MEOX1: variants seen among roughly 807,000 people sequenced by gnomAD.
The protein encoded by MEOX1 is mesenchyme homeobox 1.
A neutral mutation model predicts 23.2 loss-of-function variants in MEOX1; 17 were observed. The observed-to-expected ratio is 0.73, with a 90% CI of 0.50 to 1.10. MEOX1 has a LOEUF of 1.10. Among genes scored for constraint, MEOX1 ranks in the 50% least tolerant of loss-of-function variants. MEOX1 has a pLI of 0.00. For missense variants in MEOX1, 333 were observed against 332.2 expected, an observed-to-expected ratio of 1.00 and a Z score of -0.02; for synonymous variants, 134 against 135.1, an observed-to-expected ratio of 0.99 and a Z score of 0.06.
chr17:43,646,801 C>T (rs913726274), intron 1 of MEOX1, among the ~76,000 whole-genome samples: 4 of 152,140 alleles, frequency 2.6e-5, no homozygotes, highest in African/African-American at 9.7e-5. Flanking sequence ...CATGGAGAAA[C>T]ACCGTCTCTA....
intron 1 of MEOX1, among the ~76,000 whole-genome samples, chr17:43,659,984 C>T (rs1448766483): frequency 2.6e-5 from 4 of 152,252 alleles, no homozygotes; most frequent in Non-Finnish European, 5.9e-5. Flanking sequence ...GCATTCCCAC[C>T]TGTTGGTTGG....
chr17:43,655,566 A>G (rs1224412097), intron 1 of MEOX1, among the ~76,000 whole-genome samples: 2 of 149,946 alleles, frequency 1.3e-5, no homozygotes, highest in Non-Finnish European at 3.0e-5. Flanking sequence ...GCTCACACCT[A>G]TAATTCCAGC....
chr17:43,644,216 A>T (rs1972760067), intron 1 of MEOX1, among the ~76,000 whole-genome samples: 1 of 152,032 alleles, frequency 6.6e-6, no homozygotes. Flanking sequence ...AGACCTCACC[A>T]CTCAAAGGAG....
chr17:43,642,032 C>T lies in MEOX1; in HGVS notation c.643G>A (p.Val215Ile), dbSNP rs766089295. The T allele has an allele frequency of 2.5e-5, 41 of 1,612,414 alleles. No homozygotes were observed. Among genetic ancestry groups the T allele is most frequent in the Admixed American group, 1.0e-4 (6 of 59,870 alleles). The change falls in exon 3 of 3, where the codon GTC becomes ATC. Residue 215 changes from valine to isoleucine, a missense_variant and splice_region_variant. Val to Ile is a conservative substitution (Grantham distance 29). Transcript: ENST00000318579. The stretch of plus-strand genomic sequence containing the variant: ...CTTCGGTTCTGGAACCACACTTTGA[C>T]CTGGGGGAGGAAGCAAAGGAGCCTG... ...AVNLDLSERQ[V>I]KVWFQNRRMK... is the part of the protein sequence containing the mutation.
intron 1 of MEOX1, among the ~76,000 whole-genome samples, chr17:43,655,848 G>A (rs1973008593): frequency 6.6e-6 from 1 of 152,130 alleles, no homozygotes; most frequent in Admixed American, 6.6e-5. Context: ...TGATTGCTAG[G>A]GGGTGGGGGA....
intron 2 of MEOX1, 72 bp from the exon 3 acceptor site, chr17:43,642,104 C>G (rs1244255184): frequency 2.0e-6 from 3 of 1,523,576 alleles, no homozygotes; most frequent in Non-Finnish European, 1.8e-6. Flanking sequence ...AATGCTTAGG[C>G]TAGCCAGGGT....
Position 43,640,817 on chromosome 17 carries a change from C to G in MEOX1, c.*1093G>C, listed in dbSNP as rs1015954365. ...ACAATAACAGCATTTGTAGAACACA[C>G]AGCAAGAGCTTAAATCCATCCCATG... is the stretch of plus-strand genomic sequence containing the variant. On this transcript the variant is annotated 3_prime_UTR_variant, in exon 3 of 3. Transcript: ENST00000318579. 4.6e-5 allele frequency: 7 copies of G among 152,224 alleles called. No individual in the cohort carries two copies. Among genetic ancestry groups the G allele is most frequent in the African/African-American group, 1.7e-4 (7 of 41,452 alleles). The allele number at this position is 152,224 out of a possible 1,614,324, so 9.4% of individuals were successfully genotyped here.
At chr17:43,644,400 T>A (rs1972764154) in intron 1 of MEOX1, among the ~76,000 whole-genome samples, 1 of 152,234 alleles carries the variant, frequency 6.6e-6, no homozygotes, top group Admixed American at 6.5e-5. Context: ...GGCTCAGTCA[T>A]AACTGCCAAC....
chr17:43,649,965 C>T (rs976902671), intron 1 of MEOX1, among the ~76,000 whole-genome samples: 4 of 152,172 alleles, frequency 2.6e-5, no homozygotes, highest in Admixed American at 6.5e-5. Flanking sequence ...GGCAGGCCTT[C>T]GTAAAGTGAG....
intron 1 of MEOX1, among the ~76,000 whole-genome samples, chr17:43,660,292 A>G (rs1567749713): frequency 6.6e-6 from 1 of 152,178 alleles, no homozygotes; most frequent in Non-Finnish European, 1.5e-5. Flanking sequence ...CTCATCCTCC[A>G]GCCTCTGGGA....
chr17:43,643,731 AGCAACTAG>A, intron 1 of MEOX1, 71 bp from the exon 2 acceptor site: 1 of 1,292,096 alleles, frequency 7.7e-7, no homozygotes, highest in Non-Finnish European at 1.1e-6. Flanking sequence ...TTTGCCCTTG[AGCAACTAG>A]GCAGTCTTTA....
chr17:43,652,854 C>G (rs1466654624), intron 1 of MEOX1, among the ~76,000 whole-genome samples: 1 of 104,614 alleles, frequency 9.6e-6, no homozygotes, highest in Admixed American at 1.5e-4. Flanking sequence ...TTTTTTGAGA[C>G]GGAGTCTCAC....
chr17:43,661,233 G>A lies in MEOX1; in HGVS notation c.302C>T (p.Ala101Val). 2.5e-6 allele frequency: 4 copies of A among 1,609,810 alleles called. No homozygotes were observed. The highest frequency in any genetic ancestry group is 3.4e-6 in the Non-Finnish European group (4 of 1,177,674). Reference protein sequence around the residue: ...SPNWHFPVSDARRRPNSGPAG... With the variant: ...SPNWHFPVSDVRRRPNSGPAG... ...CGGGCCTGAGTTGGGCCTGCGCCGG[G>A]CGTCTGAGACAGGGAAGTGCCAGTT... Residue 101 changes from alanine to valine, a missense_variant, in exon 1 of 3, where the codon GCC (alanine) becomes GTC (valine). Coordinates refer to ENST00000318579, the MANE Select transcript of MEOX1 (RefSeq NM_004527.4).
At chr17:43,650,927 G>C (rs1972902814) in intron 1 of MEOX1, among the ~76,000 whole-genome samples, 1 of 152,144 alleles carries the variant, frequency 6.6e-6, no homozygotes, top group East Asian at 1.9e-4. Flanking sequence ...CTCTCCTGTA[G>C]GTGCCTAAAG....
intron 2 of MEOX1, 146 bp from the exon 3 acceptor site, chr17:43,642,178 G>A (rs1972709793): frequency 1.2e-6 from 1 of 824,120 alleles, no homozygotes; most frequent in Non-Finnish European, 1.9e-6. Context: ...AAAGGCCCCA[G>A]GAACTAGGAC....
intron 1 of MEOX1, among the ~76,000 whole-genome samples, chr17:43,659,675 CTG>C (rs764597952): frequency 2.0e-5 from 3 of 152,204 alleles, no homozygotes; most frequent in Non-Finnish European, 4.4e-5. Context: ...CCCATTCTTT[CTG>C]TGTTCTCACC....
At chr17:43,649,214 G>C (rs1313880669) in intron 1 of MEOX1, among the ~76,000 whole-genome samples, 2 of 150,788 alleles carry the variant, frequency 1.3e-5, no homozygotes, top group Non-Finnish European at 3.0e-5. Context: ...GGCAGAGTTA[G>C]AGCACTATGC....
chr17:43,648,988 T>G (rs1019382107), intron 1 of MEOX1, among the ~76,000 whole-genome samples: 1 of 152,208 alleles, frequency 6.6e-6, no homozygotes, highest in Non-Finnish European at 1.5e-5. Flanking sequence ...GAAGAGCTTT[T>G]GGATCTTGGG....
intron 1 of MEOX1, among the ~76,000 whole-genome samples, chr17:43,644,807 T>C (rs1972772238): frequency 6.6e-6 from 1 of 151,988 alleles, no homozygotes; most frequent in Non-Finnish European, 1.5e-5. Context: ...TCCCAACTAC[T>C]TGGGAGGCTG....
Sources: gnomAD v4.1 joint callset for allele counts (sites outside exome capture counted in the v4.1 genomes callset) on GRCh38, gnomAD v4.1.1 for gene constraint, MANE v1.5 for transcripts, NCBI Gene and HGNC (gene_info 2026-07-23, HGNC 2026-07-21) for gene names.